Variants in LRP1B observed in about 807,000 individuals in gnomAD.
LRP1B encodes low-density lipoprotein receptor-related protein 1B.
LRP1B carries 217 observed loss-of-function variants against 556.6 expected under a neutral mutation model. The observed-to-expected ratio is 0.39, with a 90% CI of 0.35 to 0.44. The LOEUF is 0.44. Ranked by LOEUF, LRP1B falls within the 20% of genes least tolerant of loss-of-function variation. LRP1B has a pLI of 1.00. For synonymous variants in LRP1B, 2,047 were observed against 1,865.8 expected, an observed-to-expected ratio of 1.10 and a Z score of -2.50; for missense variants, 5,053 against 5,620.8, an observed-to-expected ratio of 0.90 and a Z score of 3.23.
intron 72 of LRP1B, among the ~76,000 whole-genome samples, chr2:140,360,034 T>C (rs1428470437): frequency 6.6e-6 from 1 of 151,578 alleles, no homozygotes; most frequent in African/African-American, 2.4e-5. Context: ...TATGATCTTT[T>C]ACAGAGAGAT....
chr2:141,825,495 T>G (rs1316543915), intron 1 of LRP1B, among the ~76,000 whole-genome samples: 1 of 152,192 alleles, frequency 6.6e-6, no homozygotes, highest in Admixed American at 6.5e-5. Context: ...AAAAAGATAG[T>G]GAGACAGTGA....
At chr2:140,319,504 G>C (rs1679977007) in intron 82 of LRP1B, among the ~76,000 whole-genome samples, 1 of 152,114 alleles carries the variant, frequency 6.6e-6, no homozygotes, top group Non-Finnish European at 1.5e-5. Flanking sequence ...GAGAGGTTAA[G>C]TGGAATATAA....
At chr2:140,421,005 C>T (rs7603325) in intron 66 of LRP1B, among the ~76,000 whole-genome samples, 2,832 of 152,182 alleles carry the variant, frequency 0.019, 92 homozygotes, top group African/African-American at 0.064. Context: ...CCTGTAATAT[C>T]AGCACTTTCA....
At chr2:140,702,088 C>G (rs1686665259) in intron 39 of LRP1B, 53 bp downstream of exon 39, 1 of 1,579,870 alleles carries the variant, frequency 6.3e-7, no homozygotes, top group Admixed American at 1.7e-5. Context: ...GGTAAAGCAA[C>G]TGGCACTGAA....
chr2:141,875,616 A>G (rs1698731562), intron 1 of LRP1B, among the ~76,000 whole-genome samples: 4 of 151,980 alleles, frequency 2.6e-5, no homozygotes, highest in Admixed American at 2.6e-4. Flanking sequence ...TAAAGTTTAG[A>G]TTAAATTATT....
chr2:141,350,061 C>T lies in LRP1B; in HGVS notation c.344-95420G>A, dbSNP rs555422118. Reference sequence around the variant, plus strand: ...AAGAGAGTTTGTGCAGGGAAACTCCCGTTTTTAAAACCATCAGATTTCATG... The same window carrying T: ...AAGAGAGTTTGTGCAGGGAAACTCCTGTTTTTAAAACCATCAGATTTCATG... On this transcript the variant is annotated intron_variant, in intron 3 of 90. Transcript: ENST00000389484. Among the ~76,000 whole-genome samples, 8 of 152,086 alleles carry T rather than the reference C, an allele frequency of 5.3e-5. No individual in the cohort carries two copies. The South Asian group carries it at 1.5e-3, about 28-fold the overall frequency.
chr2:141,303,568 T>C (rs1329169697), intron 3 of LRP1B, among the ~76,000 whole-genome samples: 1 of 152,162 alleles, frequency 6.6e-6, no homozygotes, highest in Non-Finnish European at 1.5e-5. Flanking sequence ...TTTATTTTAC[T>C]TAACATAATG....
rs13409358 is a variant in LRP1B, at chr2:141,044,274, G to A, written c.1789+4712C>T. ...CACCTTATACAAAAATCAATTCAAG[G>A]TGGATTAAAGACTTAAACGTTAGAC... On this transcript the variant is annotated intron_variant, in intron 11 of 90. Coordinates refer to ENST00000389484, the MANE Select transcript of LRP1B (RefSeq NM_018557.3). Among the ~76,000 whole-genome samples the A allele has an allele frequency of 9.3e-5, 14 of 150,820 alleles. No homozygotes were observed. In the South Asian group the frequency reaches 2.1e-3, roughly 23 times the overall value.
chr2:141,423,300 T>G (rs36165054), intron 3 of LRP1B, among the ~76,000 whole-genome samples: 29,008 of 140,138 alleles, frequency 0.21, 3,834 homozygotes, highest in East Asian at 0.46. Flanking sequence ...CTTTTTTTTT[T>G]TTTTTTTTTT....
At chr2:140,767,867 T>C (rs1452830331) in intron 35 of LRP1B, among the ~76,000 whole-genome samples, 1 of 151,888 alleles carries the variant, frequency 6.6e-6, no homozygotes, top group African/African-American at 2.4e-5. Flanking sequence ...ATGTACTGTA[T>C]ACATAAAATC....
chr2:140,429,898 CACATAT>C (rs1248216347), intron 66 of LRP1B, among the ~76,000 whole-genome samples: 2 of 149,586 alleles, frequency 1.3e-5, no homozygotes, highest in African/African-American at 4.9e-5. Context: ...TCACACCTGA[CACATAT>C]ACTTTCTGCT....
chr2:140,867,977 A>C (rs1186754466), intron 26 of LRP1B, 122 bp downstream of exon 26: 1 of 1,311,168 alleles, frequency 7.6e-7, no homozygotes, highest in African/African-American at 1.5e-5. Context: ...GCAAGCAAAA[A>C]AAAAATACAC....
At chr2:140,603,101 G>A (rs1682736694) in intron 41 of LRP1B, among the ~76,000 whole-genome samples, 1 of 151,906 alleles carries the variant, frequency 6.6e-6, no homozygotes, top group South Asian at 2.1e-4. Context: ...TGATTCATTA[G>A]TCTTAACTTG....
chr2:142,078,151 T>A (rs1372516785), intron 1 of LRP1B, among the ~76,000 whole-genome samples: 3 of 152,154 alleles, frequency 2.0e-5, no homozygotes, highest in Non-Finnish European at 4.4e-5. Flanking sequence ...TCAGATTCAT[T>A]ACAGTTTTAG....
At chr2:141,207,767 C>T (rs1013944610) in intron 6 of LRP1B, among the ~76,000 whole-genome samples, 2 of 152,176 alleles carry the variant, frequency 1.3e-5, no homozygotes, top group African/African-American at 4.8e-5. Flanking sequence ...CCTCTGCCTC[C>T]CCGGTTCAAG....
intron 56 of LRP1B, among the ~76,000 whole-genome samples, chr2:140,493,795 C>T (rs1371709300): frequency 6.6e-6 from 1 of 151,952 alleles, no homozygotes; most frequent in Non-Finnish European, 1.5e-5. Context: ...ATATGTAATA[C>T]CAAAGGTATG....
intron 41 of LRP1B, among the ~76,000 whole-genome samples, chr2:140,638,114 T>G (rs1181299593): frequency 1.1e-4 from 16 of 152,238 alleles, no homozygotes; most frequent in Admixed American, 1.0e-3. Flanking sequence ...TATTCTTGAA[T>G]TATTTAATGA....
intron 41 of LRP1B, among the ~76,000 whole-genome samples, chr2:140,602,107 C>T (rs547541694): frequency 2.0e-5 from 3 of 151,794 alleles, no homozygotes; most frequent in Non-Finnish European, 4.4e-5. Context: ...ATGAGAAATC[C>T]AAAATCTAAC....
intron 7 of LRP1B, among the ~76,000 whole-genome samples, chr2:141,092,197 GA>G (rs1700186453): frequency 6.6e-6 from 1 of 152,168 alleles, no homozygotes; most frequent in Admixed American, 6.5e-5. Context: ...AGTAAGTGCT[GA>G]TTTACTGCTG....
Sources: allele counts gnomAD v4.1 joint callset (sites outside exome capture counted in the v4.1 genomes callset), GRCh38; gene constraint gnomAD v4.1.1; transcripts MANE v1.5; gene names NCBI Gene and HGNC (gene_info 2026-07-23, HGNC 2026-07-21).